Variants in CHRNA7 observed in about 807,000 individuals in gnomAD.
The protein encoded by CHRNA7 is cholinergic receptor nicotinic alpha 7 subunit, also known as neuronal acetylcholine receptor subunit alpha-7.
CHRNA7 carries 17 observed loss-of-function variants against 48.0 expected under a neutral mutation model. The ratio of observed to expected loss-of-function variants is 0.35; its 90% CI spans 0.24 to 0.53. The LOEUF (loss-of-function observed/expected upper bound fraction) is 0.53. Ranked by LOEUF, CHRNA7 falls within the 20% of genes least tolerant of loss-of-function variation. CHRNA7 has a pLI of 0.92. For synonymous variants in CHRNA7, 75 were observed against 242.3 expected (o/e 0.31, Z 6.41); for missense variants, 155 against 577.7 (o/e 0.27, Z 7.50).
rs577961100 is a variant in CHRNA7 at position 32,127,480 on chromosome 15, A to G, written c.350+15581A>G. The stretch of plus-strand genomic sequence containing the variant: ...ATTTGGTGTTATCACTATTTTTTTT[A>G]TTTTAGCCACGCTAGTAGGTGTGTA... On this transcript the variant is annotated intron_variant, in intron 4 of 9. Transcript: ENST00000306901. Among the ~76,000 whole-genome samples, 130 of 152,060 alleles carry G rather than the reference A, an allele frequency of 8.5e-4. 1 individual carries two copies. The Middle Eastern group carries it at 0.027, about 32-fold the overall frequency.
chr15:32,097,070 T>C (rs542751854), intron 2 of CHRNA7, among the ~76,000 whole-genome samples: 1 of 152,110 alleles, frequency 6.6e-6, no homozygotes, highest in African/African-American at 2.4e-5. Context: ...GATTGCAGCA[T>C]GCTCCTCCTC....
rs369310804 is a variant in CHRNA7 at position 32,031,037 on chromosome 15, G to A, written c.195G>A (p.Val65=). 1 of 1,614,028 alleles carries A rather than the reference G, an allele frequency of 6.2e-7. No homozygotes were observed. Among genetic ancestry groups the A allele is most frequent in the Non-Finnish European group, 8.5e-7 (1 of 1,180,008 alleles). The change falls in exon 2 of 10, where the codon GTG becomes GTA. Residue 65 remains valine (V), a splice_region_variant and synonymous_variant. Transcript: ENST00000306901. The part of the protein sequence containing the change: ...FSLSLLQIMD[V]DEKNQVLTTN... ...TGAGCCTCCTGCAGATCATGGACGT[G>A]GTGAGTCCCGCCTGGCTACAGGGCT...
At chr15:32,106,232 C>T (rs943763581) in intron 3 of CHRNA7, among the ~76,000 whole-genome samples, 4 of 152,196 alleles carry the variant, frequency 2.6e-5, no homozygotes, top group African/African-American at 9.7e-5. Context: ...GCCATAAAAA[C>T]GGCTCTAGCA....
intron 2 of CHRNA7, chr15:32,099,579 C>G (rs2050536077): frequency 6.6e-6 from 1 of 152,236 alleles, no homozygotes; most frequent in Non-Finnish European, 1.5e-5. Flanking sequence ...AAGCCTTTCT[C>G]TCAGCAGATG....
At chr15:32,131,301 C>A (rs1015518336) in intron 4 of CHRNA7, among the ~76,000 whole-genome samples, 5 of 152,100 alleles carry the variant, frequency 3.3e-5, no homozygotes, top group Admixed American at 6.5e-5. Context: ...TTCTGAGACT[C>A]TCATGACACA....
At chr15:32,109,030 G>T (rs1595456652) in intron 3 of CHRNA7, among the ~76,000 whole-genome samples, 1 of 152,290 alleles carries the variant, frequency 6.6e-6, no homozygotes, top group African/African-American at 2.4e-5. Context: ...CAGACCCCAA[G>T]AGAGGGTTCT....
intron 2 of CHRNA7, among the ~76,000 whole-genome samples, chr15:32,045,034 T>A (rs4779563): frequency 6.6e-6 from 1 of 152,222 alleles, no homozygotes; most frequent in South Asian, 2.1e-4. Flanking sequence ...TCCCATTTAT[T>A]GACTCCTTTT....
chr15:32,115,638 A>G (rs2050857253), intron 4 of CHRNA7, among the ~76,000 whole-genome samples: 2 of 151,800 alleles, frequency 1.3e-5, no homozygotes, highest in Admixed American at 6.6e-5. Flanking sequence ...AGCAAGGGAA[A>G]CCTCCCTGAC....
chr15:32,052,066 T>C (rs974742111), intron 2 of CHRNA7, among the ~76,000 whole-genome samples: 2 of 152,184 alleles, frequency 1.3e-5, no homozygotes, highest in Non-Finnish European at 2.9e-5. Context: ...TTAAGCATTA[T>C]TAAATAATCA....
At chr15:32,105,676 C>T (rs2050658062) in intron 3 of CHRNA7, among the ~76,000 whole-genome samples, 1 of 152,162 alleles carries the variant, frequency 6.6e-6, no homozygotes, top group Admixed American at 6.5e-5. Flanking sequence ...TTCTCCTAAA[C>T]GTGAAGATCT....
At position 32,151,783 on chromosome 15, in the gene CHRNA7, G is replaced by T. The variant is rs191698550; in HGVS notation, c.351-2124G>T. Among the ~76,000 whole-genome samples the T allele has an allele frequency of 2.6e-3, 398 of 151,984 alleles. 6 individuals carry two copies. Among genetic ancestry groups the T allele is most frequent in the Non-Finnish European group, 2.5e-3 (167 of 67,966 alleles). The stretch of plus-strand genomic sequence containing the variant: ...GAAGTGATTTTTCCTTCTTTTCATT[G>T]ACTCATTCTTTTTGGATCTTTTTTG... On this transcript the variant is annotated intron_variant, in intron 4 of 9. Transcript: ENST00000306901.
At chr15:32,044,971 A>G (rs759491121) in intron 2 of CHRNA7, among the ~76,000 whole-genome samples, 3 of 152,178 alleles carry the variant, frequency 2.0e-5, no homozygotes, top group African/African-American at 7.2e-5. Flanking sequence ...TTCTGTTGAC[A>G]TATATTCAAT....
At chr15:32,110,195 C>T (rs966019337) in intron 3 of CHRNA7, among the ~76,000 whole-genome samples, 4 of 152,176 alleles carry the variant, frequency 2.6e-5, no homozygotes, top group Non-Finnish European at 5.9e-5. Flanking sequence ...GTGGCAGGGC[C>T]TTGTGCCCAG....
At chr15:32,087,470 G>T (rs1240407418) in intron 2 of CHRNA7, among the ~76,000 whole-genome samples, 1 of 152,142 alleles carries the variant, frequency 6.6e-6, no homozygotes, top group Admixed American at 6.5e-5. Flanking sequence ...CAAGGTTTGG[G>T]TGCTAGGTGG....
chr15:32,133,310 A>G (rs944697669), intron 4 of CHRNA7, among the ~76,000 whole-genome samples: 2 of 152,218 alleles, frequency 1.3e-5, no homozygotes, highest in African/African-American at 4.8e-5. Context: ...AAAAAATTTC[A>G]TGAGCTCCTT....
intron 2 of CHRNA7, among the ~76,000 whole-genome samples, chr15:32,072,548 A>G (rs1403269701): frequency 3.3e-5 from 5 of 152,226 alleles, no homozygotes; most frequent in Non-Finnish European, 7.3e-5. Context: ...CAATGGGGAA[A>G]AGGCCTTGAA....
chr15:32,121,815 T>C (rs2141299031), intron 4 of CHRNA7, among the ~76,000 whole-genome samples: 1 of 152,108 alleles, frequency 6.6e-6, no homozygotes, highest in South Asian at 2.1e-4. Context: ...GGGGGAGAGA[T>C]CACCTTGGAA....
At chr15:32,044,809 T>G (rs1157860371) in intron 2 of CHRNA7, among the ~76,000 whole-genome samples, 2 of 152,216 alleles carry the variant, frequency 1.3e-5, no homozygotes, top group African/African-American at 4.8e-5. Context: ...CTAAATGACC[T>G]ATAGTGCATA....
chr15:32,136,359 C>T (rs946772053), intron 4 of CHRNA7, among the ~76,000 whole-genome samples: 1 of 151,972 alleles, frequency 6.6e-6, no homozygotes, highest in East Asian at 2.0e-4. Flanking sequence ...GGCGTGGTGG[C>T]ATGTGCCTGT....
Sources: allele counts gnomAD v4.1 joint callset (sites outside exome capture counted in the v4.1 genomes callset), GRCh38; gene constraint gnomAD v4.1.1; transcripts MANE v1.5; gene names NCBI Gene and HGNC (gene_info 2026-07-23, HGNC 2026-07-21).